Variants in KLRC2 observed in about 807,000 individuals in gnomAD.
KLRC2 encodes killer cell lectin like receptor C2.
A neutral mutation model predicts 25.5 loss-of-function variants in KLRC2; 10 were observed. That is an observed-to-expected ratio of 0.39 (90% CI 0.24 to 0.67). The LOEUF is 0.67. Ranked by LOEUF, KLRC2 falls within the 30% of genes least tolerant of loss-of-function variation. KLRC2 has a pLI of 0.45. For synonymous variants in KLRC2, 48 were observed against 93.3 expected, an observed-to-expected ratio of 0.51 and a Z score of 2.80; for missense variants, 170 against 272.8, an observed-to-expected ratio of 0.62 and a Z score of 2.65.
rs1476535846 is a variant in KLRC2, at chr12:10,433,149, G to A, written c.483+642C>T. ...ACCTAGGGTCCTCTTTGTCCCTGAG[G>A]GCATGAGACCCACTTCCCCATCCAG... On this transcript the variant is annotated intron_variant, in intron 4 of 5. Coordinates refer to ENST00000381902, the MANE Select transcript of KLRC2 (RefSeq NM_002260.4). Among the ~76,000 whole-genome samples the A allele has an allele frequency of 4.4e-4, 62 of 141,468 alleles. 9 individuals are homozygous for A. Among genetic ancestry groups the A allele is most frequent in the Non-Finnish European group, 8.8e-4 (57 of 64,656 alleles). 92.8% of individuals were successfully genotyped at this position (141,468 alleles called of 152,430 possible).
In KLRC2 at chr12:10,434,508, G is replaced by C. The variant is rs1395589079; in HGVS notation, c.309C>G (p.Ser103=). ...TACCTTTCTGCGTTCTTGTATTCGGGGAAAAATTGTTCTGCTCCAGGACTG... is the reference window on the plus strand; with the variant it reads ...TACCTTTCTGCGTTCTTGTATTCGGCGAAAAATTGTTCTGCTCCAGGACTG... ...LIPFLEQNNF[S]PNTRTQKARH... The change falls in exon 3 of 6, where the codon TCC becomes TCG. Residue 103 remains serine, a synonymous_variant. Transcript: ENST00000381902. 6.4e-7 allele frequency: 1 copy of C among 1,571,134 alleles called. No individual in the cohort carries two copies. Among genetic ancestry groups the C allele is most frequent in the Non-Finnish European group, 8.7e-7 (1 of 1,145,310 alleles).
chr12:10,430,997 T>G lies in KLRC2; in HGVS notation c.*120A>C. The G allele has an allele frequency of 8.5e-7, 1 of 1,174,920 alleles. No individual in the cohort carries two copies. 72.8% of individuals were successfully genotyped at this position (1,174,920 alleles called of 1,614,324 possible). On this transcript the variant is annotated 3_prime_UTR_variant, in exon 6 of 6. Transcript: ENST00000381902. ...TGTGCATCCTATTTCAATAATTGAT[T>G]TAGAATTTTTGTATCAGAGCAAATA...
intron 2 of KLRC2, 67 bp from the exon 3 acceptor site, chr12:10,434,597 TTTC>T (rs1863850593): frequency 7.8e-7 from 1 of 1,287,666 alleles, no homozygotes; most frequent in African/African-American, 1.6e-5. Context: ...ACGAGTTTAG[TTTC>T]TTACTTTGAA....
In KLRC2 at chr12:10,431,752, G is replaced by A. The variant is rs1465856586; in HGVS notation, c.584+354C>T. Among the ~76,000 whole-genome samples, 4 of 129,704 alleles carry A rather than the reference G, an allele frequency of 3.1e-5. 1 individual carries two copies. Among genetic ancestry groups the A allele is most frequent in the Admixed American group, 1.6e-4 (2 of 12,866 alleles). 85.1% of individuals were successfully genotyped at this position (129,704 alleles called of 152,430 possible). A position where few individuals can be genotyped will look rare whatever the true frequency, so the allele number is the denominator to read the frequency against. Reference sequence around the variant, plus strand: ...TTTGAATGCGGCCCAACACAAATACGTAAACTTTCTTAAAACATTCTGTGA... The same window carrying A: ...TTTGAATGCGGCCCAACACAAATACATAAACTTTCTTAAAACATTCTGTGA... On this transcript the variant is annotated intron_variant, in intron 5 of 5. Coordinates refer to ENST00000381902, the MANE Select transcript of KLRC2 (RefSeq NM_002260.4).
chr12:10,430,745 A>G lies in KLRC2; in HGVS notation c.*372T>C. The G allele has an allele frequency of 1.2e-5, 2 of 171,710 alleles. No homozygotes were observed. The highest frequency in any genetic ancestry group is 1.2e-4 in the South Asian group (1 of 8,178). 10.6% of individuals were successfully genotyped at this position (171,710 alleles called of 1,614,324 possible). ...TGAAATTTAGAAAGTTTTCATCACGACACAAAGAAACGTTCTATCAATTAG... is the reference window on the plus strand; with the variant it reads ...TGAAATTTAGAAAGTTTTCATCACGGCACAAAGAAACGTTCTATCAATTAG... On this transcript the variant is annotated 3_prime_UTR_variant, in exon 6 of 6. Coordinates refer to ENST00000381902, the MANE Select transcript of KLRC2 (RefSeq NM_002260.4).
chr12:10,432,064 T>A (rs1335448109), intron 5 of KLRC2, 42 bp downstream of exon 5: 1 of 1,327,188 alleles, frequency 7.5e-7, no homozygotes, highest in Non-Finnish European at 1.0e-6. Flanking sequence ...GAATTTATCC[T>A]TTATATATAT....
intron 4 of KLRC2, among the ~76,000 whole-genome samples, chr12:10,433,141 T>A (rs1322819909): frequency 7.1e-6 from 1 of 141,476 alleles, no homozygotes; most frequent in Non-Finnish European, 1.5e-5. Flanking sequence ...GTCCTCTTTG[T>A]CCCTGAGGGC....
In KLRC2 at chr12:10,430,756, C is replaced by T. The variant is rs72475444; in HGVS notation, c.*361G>A. ...AAGTTTTCATCACGACACAAAGAAA[C>T]GTTCTATCAATTAGTGGTCATCTCC... On this transcript the variant is annotated 3_prime_UTR_variant, in exon 6 of 6. Transcript: ENST00000381902. The T allele has an allele frequency of 0.078, 13,817 of 177,702 alleles. 2,843 individuals are homozygous for T. Among genetic ancestry groups the T allele is most frequent in the South Asian group, 0.29 (2,453 of 8,506 alleles). The allele number at this position is 177,702 out of a possible 1,614,324, so 11.0% of individuals were successfully genotyped here.
At chr12:10,433,236 T>A (rs1418466621) in intron 4 of KLRC2, among the ~76,000 whole-genome samples, 1 of 142,180 alleles carries the variant, frequency 7.0e-6, no homozygotes, top group Non-Finnish European at 1.5e-5. Context: ...AACAGTAACA[T>A]ACTACTGATA....
intron 2 of KLRC2, 86 bp from the exon 3 acceptor site, chr12:10,434,616 G>T (rs568450174): frequency 1.0e-3 from 1,089 of 1,066,330 alleles, no homozygotes; most frequent in Non-Finnish European, 1.4e-3. Flanking sequence ...TTGAAACTTT[G>T]TGTGTTATTT....
rs1308347312 is a variant in KLRC2 at position 10,432,169 on chromosome 12, C to A, written c.521G>T (p.Gly174Val). The A allele has an allele frequency of 6.6e-7, 1 of 1,506,370 alleles. No homozygotes were observed. The highest frequency in any genetic ancestry group is 1.2e-5 in the South Asian group (1 of 83,008). 93.3% of individuals were successfully genotyped at this position (1,506,370 alleles called of 1,614,324 possible). Residue 174 changes from glycine to valine, a missense_variant, in exon 5 of 6, where the codon GGT becomes GTT. By Grantham distance (109) the Gly-to-Val change is moderately radical. Around this residue, in one of 3 missense-constraint regions of KLRC2, gnomAD observed 129 missense variants for 150.2 expected, o/e 0.86. Coordinates refer to ENST00000381902, the MANE Select transcript of KLRC2 (RefSeq NM_002260.4). Reference sequence around the variant, plus strand: ...ATGATGACTGCTGTTACGAAACACACCAATCCATGAGGAAGGTAAAATGCT... The same window carrying A: ...ATGATGACTGCTGTTACGAAACACAACAATCCATGAGGAAGGTAAAATGCT... ...LASILPSSWI[G>V]VFRNSSHHPW...
At chr12:10,433,709 A>G in intron 4 of KLRC2, 82 bp downstream of exon 4, 1 of 1,315,266 alleles carries the variant, frequency 7.6e-7, no homozygotes, top group Non-Finnish European at 1.1e-6. Flanking sequence ...AAATATATGT[A>G]CACACATATG....
chr12:10,434,066 A>G, intron 3 of KLRC2, 124 bp from the exon 4 acceptor site: 1 of 1,361,180 alleles, frequency 7.3e-7, no homozygotes, highest in Non-Finnish European at 9.9e-7. Flanking sequence ...ACAGGCTTAT[A>G]AATGTATATT....
At position 10,435,819 on chromosome 12, in the gene KLRC2, A is replaced by G. The variant is rs113695732; in HGVS notation, c.168T>C (p.Asp56=). 587 of 1,543,740 alleles carry G rather than the reference A, an allele frequency of 3.8e-4. 95 individuals carry two copies. The African/African-American group carries it at 6.1e-3, about 16-fold the overall frequency. ...TTTTACCTTGGCAGTCATATATTTTATCAATCCCTTGATGATTCAGGGAAG... is the reference window on the plus strand; with the variant it reads ...TTTTACCTTGGCAGTCATATATTTTGTCAATCCCTTGATGATTCAGGGAAG... ...QNPSLNHQGI[D]KIYDCQGLLP... The change falls in exon 1 of 6, where the codon GAT becomes GAC. Residue 56 remains aspartate (D), a synonymous_variant. Transcript: ENST00000381902.
chr12:10,433,852 C>A lies in KLRC2; in HGVS notation c.422G>T (p.Ser141Ile). Reference sequence around the variant, plus strand: ...GTTCTTCGAAGTACAGGCCAGCAAACTCTCTTCCCAAGTTCTTCTTTCCTT... The same window carrying A: ...GTTCTTCGAAGTACAGGCCAGCAAAATCTCTTCCCAAGTTCTTCTTTCCTT... Reference protein sequence around the residue: ...IGKERRTWEESLLACTSKNSS... With the variant: ...IGKERRTWEEILLACTSKNSS... The change falls in exon 4 of 6, where the codon AGT becomes ATT. Residue 141 changes from serine to isoleucine, a missense_variant. Physicochemically the swap from Ser to Ile is moderately radical, Grantham distance 142. Transcript: ENST00000381902. 1 of 1,550,610 alleles carries A rather than the reference C, an allele frequency of 6.4e-7. No homozygotes were observed.
At chr12:10,431,253 C>T in intron 5 of KLRC2, 25 bp from the exon 6 acceptor site, 1 of 1,519,350 alleles carries the variant, frequency 6.6e-7, no homozygotes, top group Non-Finnish European at 9.0e-7. Flanking sequence ...AATCCATTTT[C>T]TGTTACATTT....
chr12:10,432,482 T>G (rs1565506946), intron 4 of KLRC2, among the ~76,000 whole-genome samples: 1 of 100,200 alleles, frequency 1.0e-5, no homozygotes, highest in Non-Finnish European at 2.3e-5. Context: ...TGTGCATTCA[T>G]TCCTCCAGAT....
intron 1 of KLRC2, 112 bp from the exon 2 acceptor site, chr12:10,435,522 T>C (rs1469109710): frequency 6.6e-7 from 1 of 1,521,900 alleles, no homozygotes; most frequent in East Asian, 2.3e-5. Context: ...AACATAATGA[T>C]AAACTCTGGC....
intron 5 of KLRC2, among the ~76,000 whole-genome samples, chr12:10,431,668 T>C (rs1863817607): frequency 7.0e-6 from 1 of 142,558 alleles, no homozygotes; most frequent in Non-Finnish European, 1.5e-5. Context: ...AGTTCCCTGA[T>C]AGTCCAGCTC....
Sources: gnomAD v4.1 joint callset for allele counts (sites outside exome capture counted in the v4.1 genomes callset) on GRCh38, gnomAD v4.1.1 for gene constraint, gnomAD v4.1.1 regional missense constraint, MANE v1.5 for transcripts, NCBI Gene and HGNC (gene_info 2026-07-23, HGNC 2026-07-21) for gene names.